The following MED15 variants were observed in gnomAD, a reference collection of about 807,000 sequenced individuals.
MED15 encodes the protein mediator complex subunit 15, also known as mediator of RNA polymerase II transcription subunit 15.
A neutral mutation model predicts 118.7 loss-of-function variants in MED15; 41 were observed. The ratio of observed to expected loss-of-function variants is 0.35; its 90% CI spans 0.27 to 0.45. MED15 has a LOEUF of 0.45. Among genes scored for constraint, MED15 ranks in the 20% least tolerant of loss-of-function variants. MED15 has a pLI of 1.00. For missense variants in MED15, 740 were observed against 1,025.5 expected, an observed-to-expected ratio of 0.72 and a Z score of 3.80; for synonymous variants, 436 against 413.9, an observed-to-expected ratio of 1.05 and a Z score of -0.65.
intron 8 of MED15, chr22:20,574,481 C>G (rs571252269): frequency 2.6e-5 from 4 of 152,508 alleles, no homozygotes; most frequent in African/African-American, 4.8e-5. Context: ...GCCAAGCAGT[C>G]CCCCCAGGCT....
chr22:20,567,884 C>G (rs972591400), intron 7 of MED15, among the ~76,000 whole-genome samples: 1 of 152,038 alleles, frequency 6.6e-6, no homozygotes, highest in Non-Finnish European at 1.5e-5. Context: ...CTTTTGAAGA[C>G]AGGGTCTCTG....
intron 1 of MED15, among the ~76,000 whole-genome samples, chr22:20,521,608 G>T (rs554935364): frequency 6.9e-6 from 1 of 145,264 alleles, no homozygotes; most frequent in Non-Finnish European, 1.5e-5. Flanking sequence ...ATGTTAGCCA[G>T]GATGGTCTCC....
intron 8 of MED15, among the ~76,000 whole-genome samples, chr22:20,571,474 C>G (rs1034305752): frequency 6.6e-6 from 1 of 152,232 alleles, no homozygotes; most frequent in Non-Finnish European, 1.5e-5. Context: ...GGCAGAGGAG[C>G]CTTGTAGTTT....
In MED15 at chr22:20,586,607, C is replaced by T. The variant is rs892889692; in HGVS notation, c.2270C>T (p.Thr757Ile). Residue 757 changes from threonine (T) to isoleucine (I), a missense_variant, in exon 18 of 18, where the codon ACC becomes ATC. By Grantham distance (89) the Thr-to-Ile change is moderately conservative. Transcript: ENST00000263205. The part of the protein sequence containing the change: ...PFLQSVHRCM[T>I]SRLLQLPDKH... Reference sequence around the variant, plus strand: ...CTCCAGTCGGTGCACCGCTGCATGACCTCCAGGCTGCTGCAGCTCCCGGAC... The same window carrying T: ...CTCCAGTCGGTGCACCGCTGCATGATCTCCAGGCTGCTGCAGCTCCCGGAC... 105 of 1,613,086 alleles carry T rather than the reference C, an allele frequency of 6.5e-5. No homozygotes were observed. The highest frequency in any genetic ancestry group is 8.6e-5 in the Non-Finnish European group (101 of 1,179,966).
chr22:20,582,743 G>A lies in MED15; in HGVS notation c.1405G>A (p.Val469Ile), dbSNP rs1026521154. ...GQPSSQPNSN[V>I]SSGPAPSPSS... is the part of the protein sequence containing the mutation. ...GCCCAGCTCACAGCCCAACTCCAAC[G>A]TCAGGTAGGCCTGGCCTGGGGTGCC... Residue 469 changes from valine to isoleucine, a missense_variant, in exon 10 of 18, where the codon GTC becomes ATC. Transcript: ENST00000263205. The A allele has an allele frequency of 2.2e-5, 32 of 1,475,228 alleles. No homozygotes were observed. Among genetic ancestry groups the A allele is most frequent in the African/African-American group, 1.0e-4 (7 of 69,660 alleles). 91.4% of individuals were successfully genotyped at this position (1,475,228 alleles called of 1,614,324 possible).
chr22:20,520,731 TCA>T (rs2054416938), intron 1 of MED15, among the ~76,000 whole-genome samples: 1 of 152,128 alleles, frequency 6.6e-6, no homozygotes, highest in African/African-American at 2.4e-5. Flanking sequence ...CTCTGTGCAA[TCA>T]CACTCTGTGC....
intron 3 of MED15, chr22:20,552,640 T>C: frequency 2.8e-6 from 1 of 351,442 alleles, no homozygotes; most frequent in Non-Finnish European, 5.8e-6. Context: ...ACAGAAGTTC[T>C]CCGCTGGGCA....
intron 1 of MED15, among the ~76,000 whole-genome samples, chr22:20,511,717 G>T (rs1355551273): frequency 2.0e-5 from 3 of 151,692 alleles, no homozygotes; most frequent in African/African-American, 7.3e-5. Context: ...GCCCTCCACT[G>T]CCTCCACCTC....
At chr22:20,525,451 G>A (rs1241444641) in intron 1 of MED15, among the ~76,000 whole-genome samples, 1 of 151,448 alleles carries the variant, frequency 6.6e-6, no homozygotes, top group Non-Finnish European at 1.5e-5. Context: ...GGCCTCTCAA[G>A]TGATCCACCC....
At chr22:20,511,586 C>A (rs1270768542) in intron 1 of MED15, among the ~76,000 whole-genome samples, 3 of 151,988 alleles carry the variant, frequency 2.0e-5, no homozygotes, top group Non-Finnish European at 4.4e-5. Flanking sequence ...GGGAACAATG[C>A]CCCAGAGCAT....
intron 5 of MED15, among the ~76,000 whole-genome samples, chr22:20,556,000 G>A (rs2055988734): frequency 6.6e-6 from 1 of 152,200 alleles, no homozygotes; most frequent in African/African-American, 2.4e-5. Flanking sequence ...TGGGATTACA[G>A]GCGTGAGCCA....
intron 1 of MED15, among the ~76,000 whole-genome samples, chr22:20,511,141 T>G (rs1209473423): frequency 6.6e-6 from 1 of 152,236 alleles, no homozygotes; most frequent in Non-Finnish European, 1.5e-5. Context: ...TCCCATGTTT[T>G]TACACTGTTG....
At position 20,585,199 on chromosome 22, in the gene MED15, A is replaced by G; in HGVS notation, c.2063A>G (p.Lys688Arg). ...GGTGAGGTGGCCAGGCTGGACCCCAAGTTCCTGGTAAACCTGGACCCTTCT... is the reference window on the plus strand; with the variant it reads ...GGTGAGGTGGCCAGGCTGGACCCCAGGTTCCTGGTAAACCTGGACCCTTCT... ...LQGEVARLDP[K>R]FLVNLDPSHC... is the part of the protein sequence containing the mutation. Residue 688 changes from lysine to arginine, a missense_variant, in exon 16 of 18, where the codon AAG becomes AGG. By Grantham distance (26) the Lys-to-Arg change is conservative (BLOSUM62 2). Coordinates refer to ENST00000263205, the MANE Select transcript of MED15 (RefSeq NM_001003891.3). 6.2e-7 allele frequency: 1 copy of G among 1,613,748 alleles called. No individual in the cohort carries two copies.
At chr22:20,564,844 G>A (rs2056378157) in intron 6 of MED15, among the ~76,000 whole-genome samples, 156 bp downstream of exon 6, 1 of 152,162 alleles carries the variant, frequency 6.6e-6, no homozygotes, top group Non-Finnish European at 1.5e-5. Flanking sequence ...AAAAGTCTGG[G>A]ACAAGGCCGG....
intron 5 of MED15, 144 bp from the exon 6 acceptor site, chr22:20,564,306 T>C (rs1479398327): frequency 1.4e-6 from 2 of 1,401,280 alleles, no homozygotes; most frequent in Admixed American, 4.5e-5. Context: ...TATCTTTCTG[T>C]CTGTGGTAAA....
At chr22:20,541,444 A>T (rs1244361618) in intron 2 of MED15, among the ~76,000 whole-genome samples, 5 of 152,154 alleles carry the variant, frequency 3.3e-5, no homozygotes, top group South Asian at 4.1e-4. Flanking sequence ...TATGATTTTT[A>T]AAAAAGACAA....
chr22:20,571,202 C>G (rs1320438785), intron 8 of MED15, among the ~76,000 whole-genome samples: 1 of 152,150 alleles, frequency 6.6e-6, no homozygotes, highest in East Asian at 1.9e-4. Context: ...GTCTCACTGG[C>G]ATCCCATCAC....
intron 5 of MED15, among the ~76,000 whole-genome samples, chr22:20,556,673 C>T (rs570257): frequency 1.3e-5 from 2 of 151,364 alleles, no homozygotes; most frequent in African/African-American, 4.9e-5. Context: ...GATTTTACCA[C>T]GTGTCAAATC....
rs1425077401 is a variant in MED15, at chr22:20,584,268, A to G, written c.1737-91A>G. The G allele has an allele frequency of 6.7e-6, 9 of 1,335,638 alleles. No individual in the cohort carries two copies. In the Admixed American group the frequency reaches 1.4e-4, roughly 20 times the overall value. The allele number at this position is 1,335,638 out of a possible 1,614,324, so 82.7% of individuals were successfully genotyped here. A position where few individuals can be genotyped will look rare whatever the true frequency, so the allele number is the denominator to read the frequency against. On this transcript the variant is annotated intron_variant, in intron 13 of 17. Coordinates refer to ENST00000263205, the MANE Select transcript of MED15 (RefSeq NM_001003891.3). ...GTAGGAGCTCCTGCAGAGGTTTCTG[A>G]TGGCTGAGGCCCAGTGGCAGTAGTT...
Sources: allele counts gnomAD v4.1 joint callset (sites outside exome capture counted in the v4.1 genomes callset), GRCh38; gene constraint gnomAD v4.1.1; transcripts MANE v1.5; gene names NCBI Gene and HGNC (gene_info 2026-07-23, HGNC 2026-07-21).